ASXL2: variants seen among roughly 807,000 people sequenced by gnomAD.
ASXL2 encodes ASXL transcriptional regulator 2.
ASXL2 carries 23 observed loss-of-function variants against 122.0 expected under a neutral mutation model. The observed-to-expected ratio is 0.19, with a 90% CI of 0.14 to 0.27. ASXL2 has a LOEUF of 0.27. Ranked by LOEUF, ASXL2 falls within the 10% of genes least tolerant of loss-of-function variation. The probability of loss-of-function intolerance (pLI) is 1.00; values close to 1 mark genes in which losing one functional copy is unlikely to be tolerated. For synonymous variants in ASXL2, 650 were observed against 637.0 expected, an observed-to-expected ratio of 1.02 and a Z score of -0.31; for missense variants, 1,518 against 1,713.8, an observed-to-expected ratio of 0.89 and a Z score of 2.02.
In ASXL2 at chr2:25,735,360, A is replaced by C. The variant is rs1559494723; in HGVS notation, c.*6669T>G. ...ACTACGTTACATAGTGGAATACACC[A>C]AATTCTTCTTTAAAAAGCGCTAGAG... On this transcript the variant is annotated 3_prime_UTR_variant, in exon 13 of 13. Coordinates refer to ENST00000435504, the MANE Select transcript of ASXL2 (RefSeq NM_018263.6). 6.6e-6 allele frequency: 1 copy of C among 152,348 alleles called. No individual in the cohort carries two copies. The highest frequency in any genetic ancestry group is 1.9e-4 in the East Asian group (1 of 5,192). 9.4% of individuals were successfully genotyped at this position (152,348 alleles called of 1,614,324 possible).
At position 25,742,805 on chromosome 2, in the gene ASXL2, C is replaced by G; in HGVS notation, c.3532G>C (p.Glu1178Gln). The change falls in exon 13 of 13, where the codon GAA (glutamate) becomes CAA (glutamine). Residue 1178 changes from glutamate (E) to glutamine (Q), a missense_variant. Coordinates refer to ENST00000435504, the MANE Select transcript of ASXL2 (RefSeq NM_018263.6). The part of the protein sequence containing the change: ...NATGESSSSK[E>Q]DDTDEESTGD... ...GTACTTTCCTCATCAGTGTCATCTT[C>G]TTTGCTGCTGCTACTCTCTCCTGTT... 6.2e-7 allele frequency: 1 copy of G among 1,614,046 alleles called. No individual in the cohort carries two copies. The highest frequency in any genetic ancestry group is 8.5e-7 in the Non-Finnish European group (1 of 1,179,902).
rs899623816 is a variant in ASXL2 at position 25,807,943 on chromosome 2, C to T, written c.144-1606G>A. Among the ~76,000 whole-genome samples the T allele has an allele frequency of 2.7e-5, 4 of 149,330 alleles. No individual in the cohort carries two copies. The Admixed American group carries it at 2.7e-4, about 10-fold the overall frequency. On this transcript the variant is annotated intron_variant, in intron 3 of 12. Transcript: ENST00000435504. ...GTTGAGAGGGACTGAATCCCATGCC[C>T]AGCCCGGGGGTAAATCCTAATTGGT...
chr2:25,765,223 T>A (rs113306216), intron 8 of ASXL2, among the ~76,000 whole-genome samples: 2 of 152,218 alleles, frequency 1.3e-5, no homozygotes, highest in Non-Finnish European at 2.9e-5. Flanking sequence ...CGGTGGCTCA[T>A]GCCTGTAATC....
At chr2:25,866,879 C>T (rs756864429) in intron 1 of ASXL2, among the ~76,000 whole-genome samples, 16 of 150,002 alleles carry the variant, frequency 1.1e-4, no homozygotes, top group Non-Finnish European at 1.6e-4. Context: ...ATTACAGGCA[C>T]GCGCCACCAC....
At chr2:25,850,184 A>G (rs1016237084) in intron 1 of ASXL2, among the ~76,000 whole-genome samples, 6 of 138,008 alleles carry the variant, frequency 4.3e-5, no homozygotes, top group African/African-American at 2.8e-5. Flanking sequence ...CAAGGACTTA[A>G]ATTTTTTTTT....
intron 12 of ASXL2, among the ~76,000 whole-genome samples, chr2:25,746,600 C>T (rs945201621): frequency 6.6e-6 from 1 of 151,776 alleles, no homozygotes; most frequent in Non-Finnish European, 1.5e-5. Context: ...TAAGAATACT[C>T]GTGAGAGTAA....
At chr2:25,756,200 G>T (rs553874046) in intron 9 of ASXL2, 86 bp from the exon 10 acceptor site, 8 of 646,022 alleles carry the variant, frequency 1.2e-5, no homozygotes, top group Admixed American at 6.8e-5. Flanking sequence ...TTTTATAAAA[G>T]AATGTATATA....
At chr2:25,830,564 T>C (rs2089437377) in intron 3 of ASXL2, among the ~76,000 whole-genome samples, 2 of 148,814 alleles carry the variant, frequency 1.3e-5, no homozygotes, top group African/African-American at 2.5e-5. Context: ...AAGTGGAGGA[T>C]GCAGTGAGCC....
intron 5 of ASXL2, among the ~76,000 whole-genome samples, chr2:25,790,944 C>A (rs62127683): frequency 6.6e-6 from 1 of 151,388 alleles, no homozygotes; most frequent in East Asian, 1.9e-4. Flanking sequence ...GCTGGGACTA[C>A]GGGTGTGCAC....
At chr2:25,784,920 A>G (rs2088712133) in intron 5 of ASXL2, among the ~76,000 whole-genome samples, 1 of 152,224 alleles carries the variant, frequency 6.6e-6, no homozygotes, top group South Asian at 2.1e-4. Context: ...GAAGCATAAC[A>G]CTTGTTTTTA....
At chr2:25,868,652 C>T (rs1281348403) in intron 1 of ASXL2, among the ~76,000 whole-genome samples, 1 of 152,178 alleles carries the variant, frequency 6.6e-6, no homozygotes, top group Non-Finnish European at 1.5e-5. Context: ...TTTTCTTTCA[C>T]AAAGAAAGAG....
intron 9 of ASXL2, among the ~76,000 whole-genome samples, chr2:25,756,465 G>GAAAAAAAAAGAAAAAAAAAAAA (rs2088136770): frequency 3.3e-5 from 3 of 91,420 alleles, no homozygotes; most frequent in Non-Finnish European, 6.8e-5. Flanking sequence ...AAAAAAAAAA[G>GAAAAAAAAAGAAAAAAAAAAAA]AAAAAAAAAA....
At chr2:25,758,470 A>G (rs1468480349) in intron 9 of ASXL2, among the ~76,000 whole-genome samples, 1 of 152,170 alleles carries the variant, frequency 6.6e-6, no homozygotes, top group African/African-American at 2.4e-5. Context: ...AGAAGTGAAG[A>G]AAGCTTAAAA....
At chr2:25,808,862 C>T (rs537467544) in intron 3 of ASXL2, among the ~76,000 whole-genome samples, 3 of 152,258 alleles carry the variant, frequency 2.0e-5, no homozygotes, top group South Asian at 4.1e-4. Flanking sequence ...TCATTGAAAC[C>T]TTACCAGAAA....
chr2:25,787,605 T>C (rs1280836285), intron 5 of ASXL2, among the ~76,000 whole-genome samples: 1 of 152,172 alleles, frequency 6.6e-6, no homozygotes, highest in Non-Finnish European at 1.5e-5. Flanking sequence ...TGTATTTCTA[T>C]ATATCAGCAA....
intron 5 of ASXL2, among the ~76,000 whole-genome samples, chr2:25,781,220 C>G (rs543733775): frequency 3.3e-5 from 5 of 151,938 alleles, no homozygotes; most frequent in African/African-American, 1.2e-4. Flanking sequence ...GTTGTTTCAA[C>G]ATTTTGCACA....
intron 2 of ASXL2, among the ~76,000 whole-genome samples, chr2:25,839,432 G>A (rs962922361): frequency 1.3e-5 from 2 of 151,954 alleles, no homozygotes; most frequent in African/African-American, 2.4e-5. Flanking sequence ...TGTTTTAACT[G>A]TTACAAAAAG....
chr2:25,810,592 T>C, intron 3 of ASXL2: 1 of 744,166 alleles, frequency 1.3e-6, no homozygotes, highest in Admixed American at 1.9e-5. Context: ...CTCTGCATCA[T>C]CTGCCTGCTG....
intron 1 of ASXL2, among the ~76,000 whole-genome samples, chr2:25,872,465 A>G (rs1450846491): frequency 6.6e-6 from 1 of 152,198 alleles, no homozygotes; most frequent in African/African-American, 2.4e-5. Context: ...AACAAAGTCT[A>G]AGAGTAAAAT....
Sources: allele counts gnomAD v4.1 joint callset (sites outside exome capture counted in the v4.1 genomes callset), GRCh38; gene constraint gnomAD v4.1.1; transcripts MANE v1.5; gene names NCBI Gene and HGNC (gene_info 2026-07-23, HGNC 2026-07-21).